Variants in TEK observed in about 807,000 individuals in gnomAD.
TEK encodes TEK receptor tyrosine kinase.
A neutral mutation model predicts 131.8 loss-of-function variants in TEK; 43 were observed. The observed-to-expected ratio is 0.33, with a 90% CI of 0.26 to 0.42. The LOEUF (loss-of-function observed/expected upper bound fraction) is 0.42, where lower values mean the gene tolerates loss of function less well. TEK is among the 10% of genes least tolerant of loss of function. The probability of loss-of-function intolerance (pLI) is 1.00; values close to 1 mark genes in which losing one functional copy is unlikely to be tolerated. For synonymous variants in TEK, 580 were observed against 491.6 expected, an observed-to-expected ratio of 1.18 and a Z score of -2.38; for missense variants, 1,162 against 1,384.4, an observed-to-expected ratio of 0.84 and a Z score of 2.55.
intron 7 of TEK, among the ~76,000 whole-genome samples, chr9:27,182,277 C>G (rs1332559547): frequency 6.6e-6 from 1 of 152,118 alleles, no homozygotes; most frequent in African/African-American, 2.4e-5. Context: ...TCCACTTTAG[C>G]CCAGCACATC....
At chr9:27,221,451 C>A (rs1191551975) in intron 21 of TEK, among the ~76,000 whole-genome samples, 1 of 119,390 alleles carries the variant, frequency 8.4e-6, no homozygotes, top group Non-Finnish European at 2.0e-5. Flanking sequence ...TCATGTGGGT[C>A]CCTGACCCGA....
intron 21 of TEK, among the ~76,000 whole-genome samples, chr9:27,221,350 C>T (rs996997457): frequency 6.6e-6 from 1 of 152,222 alleles, no homozygotes; most frequent in African/African-American, 2.4e-5. Flanking sequence ...GTAGCTTCAG[C>T]AGACTTAAAC....
At chr9:27,129,330 T>A (rs1455425704) in intron 1 of TEK, among the ~76,000 whole-genome samples, 12 of 152,178 alleles carry the variant, frequency 7.9e-5, no homozygotes, top group Admixed American at 7.9e-4. Flanking sequence ...GTACAGTGTG[T>A]AAAATAAAAC....
chr9:27,114,590 T>A (rs957663063), intron 1 of TEK, among the ~76,000 whole-genome samples: 16 of 151,768 alleles, frequency 1.1e-4, no homozygotes, highest in Admixed American at 5.3e-4. Flanking sequence ...TAAAAAAAAA[T>A]TTAATATTAG....
chr9:27,114,718 T>C (rs1038907581), intron 1 of TEK, among the ~76,000 whole-genome samples: 1 of 152,238 alleles, frequency 6.6e-6, no homozygotes, highest in Non-Finnish European at 1.5e-5. Flanking sequence ...ATATTAAATG[T>C]TTGATGTAAA....
chr9:27,173,006 C>G (rs1225412632), intron 5 of TEK, among the ~76,000 whole-genome samples: 1 of 152,010 alleles, frequency 6.6e-6, no homozygotes, highest in Admixed American at 6.6e-5. Context: ...ACTGCACAAA[C>G]CTGCATGATT....
At chr9:27,197,154 C>G (rs1825056938) in intron 11 of TEK, among the ~76,000 whole-genome samples, 161 bp from the exon 12 acceptor site, 1 of 151,994 alleles carries the variant, frequency 6.6e-6, no homozygotes, top group Admixed American at 6.6e-5. Flanking sequence ...GGGGATGGTA[C>G]TAAACCATTC....
At chr9:27,176,149 C>T (rs960168039) in intron 6 of TEK, among the ~76,000 whole-genome samples, 1 of 152,194 alleles carries the variant, frequency 6.6e-6, no homozygotes, top group Non-Finnish European at 1.5e-5. Flanking sequence ...ACAGTAACTA[C>T]TTAAGGACAT....
chr9:27,132,361 T>A (rs777807034), intron 1 of TEK, among the ~76,000 whole-genome samples: 4 of 152,192 alleles, frequency 2.6e-5, no homozygotes, highest in Non-Finnish European at 2.9e-5. Flanking sequence ...GTGATTTTTT[T>A]ATTCTTAAAT....
chr9:27,227,019 A>T (rs1826360654), intron 21 of TEK, among the ~76,000 whole-genome samples: 1 of 152,168 alleles, frequency 6.6e-6, no homozygotes, highest in Admixed American at 6.6e-5. Context: ...GACCATCACT[A>T]GACAGTCCCT....
chr9:27,123,133 G>T (rs1439807613), intron 1 of TEK, among the ~76,000 whole-genome samples: 1 of 151,048 alleles, frequency 6.6e-6, no homozygotes, highest in Non-Finnish European at 1.5e-5. Context: ...GCTGGGTGCT[G>T]TTGCGAAGCA....
In TEK at chr9:27,183,685, G is replaced by A. The variant is rs535017954; in HGVS notation, c.1182+75G>A. 2.6e-6 allele frequency: 4 copies of A among 1,554,578 alleles called. No individual in the cohort carries two copies. The Admixed American group carries it at 6.7e-5, about 26-fold the overall frequency. ...GTAGTAATCACCCCACTAAATGATAGATACCATTCAGTGCTTTTATCCTCC... is the reference window on the plus strand; with the variant it reads ...GTAGTAATCACCCCACTAAATGATAAATACCATTCAGTGCTTTTATCCTCC... On this transcript the variant is annotated intron_variant, in intron 8 of 22. Transcript: ENST00000380036.
chr9:27,201,997 A>G (rs1825228388), intron 12 of TEK, among the ~76,000 whole-genome samples: 1 of 152,226 alleles, frequency 6.6e-6, no homozygotes, highest in African/African-American at 2.4e-5. Context: ...TATTAAGGAC[A>G]AGAGCTCGAA....
chr9:27,159,615 C>A (rs781726038), intron 2 of TEK, among the ~76,000 whole-genome samples: 10 of 152,176 alleles, frequency 6.6e-5, no homozygotes, highest in Non-Finnish European at 1.3e-4. Flanking sequence ...GCTACCACCC[C>A]ACAAGGTGAT....
In TEK at chr9:27,197,511, C is replaced by G. The variant is rs770212816; in HGVS notation, c.1821C>G (p.Pro607=). The G allele has an allele frequency of 1.9e-5, 31 of 1,613,900 alleles. No individual in the cohort carries two copies. Among genetic ancestry groups the G allele is most frequent in the Non-Finnish European group, 2.5e-6 (3 of 1,179,994 alleles). Reference sequence around the variant, plus strand: ...CGGTGCTACTTAACAACTTACATCCCAGGGAGCAGTACGTGGTCCGAGCTA... The same window carrying G: ...CGGTGCTACTTAACAACTTACATCCGAGGGAGCAGTACGTGGTCCGAGCTA... ...LTSVLLNNLH[P]REQYVVRARV... Residue 607 remains proline, a synonymous_variant, in exon 12 of 23, where the codon CCC becomes CCG. Transcript: ENST00000380036.
intron 1 of TEK, among the ~76,000 whole-genome samples, chr9:27,155,819 GTT>G (rs11325198): frequency 0.12 from 16,805 of 139,724 alleles, 1,160 homozygotes; most frequent in Middle Eastern, 0.23. Context: ...GAGCACTTTT[GTT>G]TTTTTTTTTT....
chr9:27,199,681 C>G (rs1009717499), intron 12 of TEK, among the ~76,000 whole-genome samples: 3 of 152,114 alleles, frequency 2.0e-5, no homozygotes, highest in African/African-American at 4.8e-5. Flanking sequence ...ACTGGATGTC[C>G]TCTTTTTTGA....
intron 1 of TEK, among the ~76,000 whole-genome samples, chr9:27,133,992 G>A (rs530032129): frequency 7.2e-5 from 11 of 152,328 alleles, no homozygotes; most frequent in Non-Finnish European, 1.3e-4. Flanking sequence ...AGAGGTACAG[G>A]TTTGAAACTG....
chr9:27,136,603 G>A (rs114402558), intron 1 of TEK, among the ~76,000 whole-genome samples: 61 of 152,148 alleles, frequency 4.0e-4, no homozygotes, highest in African/African-American at 1.2e-3. Context: ...ACAGAGACAC[G>A]GGGACTGACA....
Sources: allele counts gnomAD v4.1 joint callset (sites outside exome capture counted in the v4.1 genomes callset), GRCh38; gene constraint gnomAD v4.1.1; transcripts MANE v1.5; gene names NCBI Gene and HGNC (gene_info 2026-07-23, HGNC 2026-07-21).